Variants in AP3S1 observed in about 807,000 individuals in gnomAD.
AP3S1 encodes the protein adaptor related protein complex 3 subunit sigma 1, also known as AP-3 complex subunit sigma-1.
In AP3S1, 12 loss-of-function variants were observed where a neutral mutation model predicts 21.3. That is an observed-to-expected ratio of 0.56 (90% confidence interval 0.36 to 0.91). The LOEUF is 0.91. Ranked by LOEUF, AP3S1 falls within the 40% of genes least tolerant of loss-of-function variation. AP3S1 has a pLI of 0.01. For missense variants in AP3S1, 116 were observed against 225.0 expected, an observed-to-expected ratio of 0.52 and a Z score of 3.10; for synonymous variants, 48 against 78.4, an observed-to-expected ratio of 0.61 and a Z score of 2.05.
chr5:115,854,815 C>T (rs901103566), intron 1 of AP3S1, among the ~76,000 whole-genome samples: 1 of 151,822 alleles, frequency 6.6e-6, no homozygotes, highest in Non-Finnish European at 1.5e-5. Flanking sequence ...TGAATTCTAC[C>T]TATTCTTTAA....
At chr5:115,853,913 T>C (rs968571361) in intron 1 of AP3S1, among the ~76,000 whole-genome samples, 2 of 152,218 alleles carry the variant, frequency 1.3e-5, no homozygotes, top group Non-Finnish European at 2.9e-5. Flanking sequence ...TATTTTAATA[T>C]GTGTCTTTGT....
intron 1 of AP3S1, among the ~76,000 whole-genome samples, chr5:115,849,185 T>G (rs561111844): frequency 6.6e-6 from 1 of 152,352 alleles, no homozygotes; most frequent in African/African-American, 2.4e-5. Flanking sequence ...TGGGTTTACA[T>G]TCTGGTGATA....
At chr5:115,842,235 C>T (rs977747135) in intron 1 of AP3S1, 129 bp downstream of exon 1, 6 of 1,350,230 alleles carry the variant, frequency 4.4e-6, no homozygotes, top group Non-Finnish European at 5.9e-6. Flanking sequence ...CCGCCTGGCG[C>T]TCGCCAGCTG....
At chr5:115,899,247 G>A (rs1751013473) in intron 4 of AP3S1, among the ~76,000 whole-genome samples, 1 of 152,078 alleles carries the variant, frequency 6.6e-6, no homozygotes, top group Admixed American at 6.6e-5. Context: ...GGCACAGAAC[G>A]AGAGACTCCT....
intron 2 of AP3S1, among the ~76,000 whole-genome samples, chr5:115,868,889 AAG>A (rs578128844): frequency 1.1e-5 from 1 of 91,392 alleles, no homozygotes; most frequent in African/African-American, 4.6e-5. Context: ...CTCAAAAAGA[AAG>A]AGAGAGAGAG....
chr5:115,883,117 G>C (rs1164353357), intron 3 of AP3S1, among the ~76,000 whole-genome samples: 1 of 152,222 alleles, frequency 6.6e-6, no homozygotes, highest in African/African-American at 2.4e-5. Flanking sequence ...TCAAGCCAGT[G>C]GACCTTAGCT....
Position 115,842,022 on chromosome 5 carries a change from T to G in AP3S1, c.-16T>G. The G allele has an allele frequency of 6.3e-7, 1 of 1,578,160 alleles. No homozygotes were observed. Among genetic ancestry groups the G allele is most frequent in the Non-Finnish European group, 8.6e-7 (1 of 1,163,612 alleles). On this transcript the variant is annotated 5_prime_UTR_variant, in exon 1 of 6. Coordinates refer to ENST00000316788, the MANE Select transcript of AP3S1 (RefSeq NM_001284.4). ...GCCCTGGCCCCCAGTGCCCACCCGG[T>G]CGGCCCGGCACAGCCATGATCAAGG...
At chr5:115,889,708 A>G (rs1359463430) in intron 3 of AP3S1, among the ~76,000 whole-genome samples, 1 of 152,136 alleles carries the variant, frequency 6.6e-6, no homozygotes, top group Non-Finnish European at 1.5e-5. Flanking sequence ...ATAAGAAAAT[A>G]CAGACCCTTG....
At chr5:115,865,438 G>A (rs1013242963) in intron 1 of AP3S1, among the ~76,000 whole-genome samples, 7 of 152,078 alleles carry the variant, frequency 4.6e-5, no homozygotes, top group African/African-American at 7.2e-5. Context: ...CTATGTAATT[G>A]CCAATGTGCA....
chr5:115,858,160 T>C (rs1762924481), intron 1 of AP3S1, among the ~76,000 whole-genome samples: 1 of 152,202 alleles, frequency 6.6e-6, no homozygotes, highest in Non-Finnish European at 1.5e-5. Context: ...GCTTCATTTC[T>C]TTGTTTACTA....
chr5:115,871,691 A>G (rs796871233), intron 3 of AP3S1, among the ~76,000 whole-genome samples: 20 of 152,222 alleles, frequency 1.3e-4, no homozygotes, highest in African/African-American at 4.6e-4. Context: ...AGAGGAAAAA[A>G]AAAAGTAACC....
chr5:115,910,465 A>C (rs1045972288), intron 5 of AP3S1, among the ~76,000 whole-genome samples: 2 of 152,096 alleles, frequency 1.3e-5, no homozygotes, highest in African/African-American at 4.8e-5. Flanking sequence ...TGAAAAGTTA[A>C]GTGTTAGTAA....
chr5:115,897,793 A>G (rs1457719397), intron 4 of AP3S1, among the ~76,000 whole-genome samples: 1 of 151,516 alleles, frequency 6.6e-6, no homozygotes, highest in African/African-American at 2.4e-5. Flanking sequence ...CGATCTCCTG[A>G]CCTCGTGATC....
intron 3 of AP3S1, among the ~76,000 whole-genome samples, chr5:115,891,022 A>C (rs1462087662): frequency 6.6e-6 from 1 of 152,190 alleles, no homozygotes; most frequent in Non-Finnish European, 1.5e-5. Flanking sequence ...AGTCCTCATA[A>C]CAGGAGTCTG....
chr5:115,884,358 G>A (rs769725791), intron 3 of AP3S1, among the ~76,000 whole-genome samples: 3 of 152,184 alleles, frequency 2.0e-5, no homozygotes, highest in Non-Finnish European at 4.4e-5. Context: ...GAGGTCAGAA[G>A]TTTGAGACCA....
At chr5:115,889,942 C>T (rs773102219) in intron 3 of AP3S1, among the ~76,000 whole-genome samples, 2 of 152,048 alleles carry the variant, frequency 1.3e-5, no homozygotes, top group Non-Finnish European at 2.9e-5. Context: ...CAAATTAATA[C>T]CATCATATAC....
At position 115,866,721 on chromosome 5, in the gene AP3S1, AAG is replaced by A; in HGVS notation, c.127_128del (p.Asp43Ter). On this transcript the variant is annotated frameshift_variant, in exon 2 of 6. Coordinates refer to ENST00000316788, the MANE Select transcript of AP3S1 (RefSeq NM_001284.4). LOFTEE classifies it high-confidence loss of function. ...CAGGGAGACTTTCCATTTGGTATCT[AAG>A]AGAGATGAAAATGTTTGTAATTTCC... ...IIRETFHLVS[K>X]RDENVCNFLE... 1 of 1,594,550 alleles carries A rather than the reference AAG, an allele frequency of 6.3e-7. No individual in the cohort carries two copies.
At chr5:115,885,691 T>G (rs1005359234) in intron 3 of AP3S1, among the ~76,000 whole-genome samples, 1 of 152,302 alleles carries the variant, frequency 6.6e-6, no homozygotes, top group East Asian at 1.9e-4. Flanking sequence ...AAACAATACT[T>G]TACCAGCTAT....
intron 5 of AP3S1, among the ~76,000 whole-genome samples, chr5:115,912,539 G>T (rs1156240561): frequency 6.6e-6 from 1 of 151,970 alleles, no homozygotes; most frequent in Non-Finnish European, 1.5e-5. Context: ...CAAATATTAT[G>T]CACTAGTGGT....
Sources: allele counts gnomAD v4.1 joint callset (sites outside exome capture counted in the v4.1 genomes callset), GRCh38; gene constraint gnomAD v4.1.1; transcripts MANE v1.5; gene names NCBI Gene and HGNC (gene_info 2026-07-23, HGNC 2026-07-21).